HAS3: variants seen among roughly 807,000 people sequenced by gnomAD.
HAS3 encodes HA synthase 3.
A neutral mutation model predicts 50.3 loss-of-function variants in HAS3; 27 were observed. The ratio of observed to expected loss-of-function variants is 0.54; its 90% CI spans 0.40 to 0.74. HAS3 has a LOEUF of 0.74. Ranked by LOEUF, HAS3 falls within the 30% of genes least tolerant of loss-of-function variation. HAS3 has a pLI of 0.00. For missense variants in HAS3, 517 were observed against 742.8 expected (o/e 0.70, Z 3.53); for synonymous variants, 339 against 310.9 (o/e 1.09, Z -0.95).
At chr16:69,104,516 T>G (rs530965520), upstream of HAS3, among the ~76,000 whole-genome samples, 1 of 152,298 alleles carries the variant, frequency 6.6e-6, no homozygotes, top group East Asian at 1.9e-4. Context: ...CAGGCTGGTC[T>G]CTAACTTCTG....
chr16:69,090,553 C>T, the HAS3 span, among the ~76,000 whole-genome samples: 243 of 151,898 alleles, frequency 1.6e-3, 2 homozygotes, highest in Non-Finnish European at 2.8e-3. Flanking sequence ...AAACTACAGA[C>T]GTGCACCACC....
downstream of HAS3, chr16:69,117,739 TTAGTC>T (rs1363484081): frequency 2.8e-6 from 2 of 708,612 alleles, no homozygotes; most frequent in African/African-American, 1.9e-5. Context: ...AATAGAAAGT[TTAGTC>T]AGGTGGGACT....
Position 69,117,651 on chromosome 16 carries a change from AT to A in HAS3, c.*2386del. The A allele has an allele frequency of 1.0e-6, 1 of 956,788 alleles. No individual in the cohort carries two copies. The highest frequency in any genetic ancestry group is 4.8e-5 in the South Asian group (1 of 20,672). 59.3% of individuals were successfully genotyped at this position (956,788 alleles called of 1,614,324 possible). On this transcript the variant is annotated 3_prime_UTR_variant, in exon 4 of 4. Coordinates refer to ENST00000569188, the MANE Select transcript of HAS3 (RefSeq NM_001199280.2). ...TTTGTCAAAATAAAGATTCTCACAT[AT>A]GCCGGTTATCTCGAAACTACTACTT...
At position 69,115,970 on chromosome 16, in the gene HAS3, AAAG is replaced by A; in HGVS notation, c.*705_*707del. ...GGAACAAAGAGATTGTGGTGGTGCTAAAGGAGGCCATAAGCTACACAGAGGCCT... is the reference window on the plus strand; with the variant it reads ...GGAACAAAGAGATTGTGGTGGTGCTAGAGGCCATAAGCTACACAGAGGCCT... On this transcript the variant is annotated 3_prime_UTR_variant, in exon 4 of 4. Coordinates refer to ENST00000569188, the MANE Select transcript of HAS3 (RefSeq NM_001199280.2). 1.0e-6 allele frequency: 1 copy of A among 985,868 alleles called. No individual in the cohort carries two copies. Among genetic ancestry groups the A allele is most frequent in the South Asian group, 4.7e-5 (1 of 21,288 alleles). 61.1% of individuals were successfully genotyped at this position (985,868 alleles called of 1,614,324 possible).
the HAS3 span, among the ~76,000 whole-genome samples, chr16:69,098,797 C>T: frequency 6.0e-5 from 9 of 150,420 alleles, no homozygotes; most frequent in African/African-American, 2.0e-4. Flanking sequence ...TCCCAAGTAG[C>T]TGGGATTACA....
chr16:69,116,083 A>T lies in HAS3; in HGVS notation c.*817A>T. Reference sequence around the variant, plus strand: ...CTCTGCTGGGGAGATAAAAAGATTAAGCCCCAACATGTTCAGAAAAGAAGT... The same window carrying T: ...CTCTGCTGGGGAGATAAAAAGATTATGCCCCAACATGTTCAGAAAAGAAGT... On this transcript the variant is annotated 3_prime_UTR_variant, in exon 4 of 4. Transcript: ENST00000569188. 1 of 985,534 alleles carries T rather than the reference A, an allele frequency of 1.0e-6. No individual in the cohort carries two copies. The highest frequency in any genetic ancestry group is 1.2e-6 in the Non-Finnish European group (1 of 829,854). 61.0% of individuals were successfully genotyped at this position (985,534 alleles called of 1,614,324 possible).
Position 69,107,817 on chromosome 16 carries a change from A to G in HAS3, c.1-1579A>G. 1.6e-6 allele frequency: 1 copy of G among 613,094 alleles called. No individual in the cohort carries two copies. Among genetic ancestry groups the G allele is most frequent in the Non-Finnish European group, 2.0e-6 (1 of 489,248 alleles). 38.0% of individuals were successfully genotyped at this position (613,094 alleles called of 1,614,324 possible). On this transcript the variant is annotated intron_variant, in intron 1 of 3. Transcript: ENST00000569188. The surrounding 1 kb of genome is among the most constrained non-coding windows in gnomAD (Gnocchi z 5.5). ...GGGCTGGGAGTCCTGTGAAGGAAGCACACGGCGGGCTCCCCGGGACGGTGG... is the reference window on the plus strand; with the variant it reads ...GGGCTGGGAGTCCTGTGAAGGAAGCGCACGGCGGGCTCCCCGGGACGGTGG...
upstream of HAS3, among the ~76,000 whole-genome samples, chr16:69,100,854 C>T (rs188659255): frequency 5.5e-3 from 845 of 152,280 alleles, 10 homozygotes; most frequent in African/African-American, 0.02. Context: ...CTCTCTGCAC[C>T]GTCGAGTACT....
chr16:69,107,258 T>G lies in HAS3; in HGVS notation c.-1+1471T>G. 4.6e-6 allele frequency: 4 copies of G among 867,628 alleles called. No homozygotes were observed. The highest frequency in any genetic ancestry group is 1.8e-5 in the African/African-American group (1 of 54,352). 53.7% of individuals were successfully genotyped at this position (867,628 alleles called of 1,614,324 possible). A position where few individuals can be genotyped will look rare whatever the true frequency, so the allele number is the denominator to read the frequency against. On this transcript the variant is annotated intron_variant, in intron 1 of 3. Transcript: ENST00000569188. This position sits in a 1 kb window ranked among gnomAD's most constrained non-coding sequence, Gnocchi z 5.5. ...GGCTGAGGGACATTTTGGGGGCCTCTATTTGGGGGTGGGGGTAGTAACCTG... is the reference window on the plus strand; with the variant it reads ...GGCTGAGGGACATTTTGGGGGCCTCGATTTGGGGGTGGGGGTAGTAACCTG...
At position 69,114,840 on chromosome 16, in the gene HAS3, C is replaced by T. The variant is rs1017737445; in HGVS notation, c.1236C>T (p.Phe412=). Residue 412 remains phenylalanine (F), a synonymous_variant, in exon 4 of 4, where the codon TTC becomes TTT. Coordinates refer to ENST00000569188, the MANE Select transcript of HAS3 (RefSeq NM_001199280.2). This position sits in a 1 kb window ranked among gnomAD's most constrained non-coding sequence, Gnocchi z 6.4. ...GCCGCATCTGGAACATTCTCCTCTTCCTGCTGACGGTGCAGCTGGTGGGCA... is the reference window on the plus strand; with the variant it reads ...GCCGCATCTGGAACATTCTCCTCTTTCTGCTGACGGTGCAGCTGGTGGGCA... The part of the protein sequence containing the change: ...YRGRIWNILL[F]LLTVQLVGII... 4 of 1,614,016 alleles carry T rather than the reference C, an allele frequency of 2.5e-6. No homozygotes were observed. Among genetic ancestry groups the T allele is most frequent in the Non-Finnish European group, 2.5e-6 (3 of 1,180,046 alleles).
the HAS3 span, among the ~76,000 whole-genome samples, chr16:69,098,149 C>T: frequency 9.7e-3 from 1,468 of 152,094 alleles, 13 homozygotes; most frequent in Non-Finnish European, 0.014. Context: ...TTTGGGAGGC[C>T]GAGGCGGGAG....
Position 69,114,019 on chromosome 16 carries a change from T to G in HAS3, c.739-324T>G, listed in dbSNP as rs570100816. ...CTCAGGACAGGTGGTTGTGGTGGTGTTTTGCATTCTTCCCAAGCCCCCTTC... is the reference window on the plus strand; with the variant it reads ...CTCAGGACAGGTGGTTGTGGTGGTGGTTTGCATTCTTCCCAAGCCCCCTTC... On this transcript the variant is annotated intron_variant, in intron 3 of 3. Transcript: ENST00000569188. This position sits in a 1 kb window ranked among gnomAD's most constrained non-coding sequence, Gnocchi z 6.4. Among the ~76,000 whole-genome samples, 3 of 152,276 alleles carry G rather than the reference T, an allele frequency of 2.0e-5. No individual in the cohort carries two copies. The highest frequency in any genetic ancestry group is 2.1e-4 in the South Asian group (1 of 4,822).
chr16:69,116,051 C>G lies in HAS3; in HGVS notation c.*785C>G. On this transcript the variant is annotated 3_prime_UTR_variant, in exon 4 of 4. Coordinates refer to ENST00000569188, the MANE Select transcript of HAS3 (RefSeq NM_001199280.2). Reference sequence around the variant, plus strand: ...ACGTCTAGATGGGTTCTTAGCTTGTCTGTGATCTCTGCTGGGGAGATAAAA... The same window carrying G: ...ACGTCTAGATGGGTTCTTAGCTTGTGTGTGATCTCTGCTGGGGAGATAAAA... 9 of 985,620 alleles carry G rather than the reference C, an allele frequency of 9.1e-6. No individual in the cohort carries two copies. Among genetic ancestry groups the G allele is most frequent in the Non-Finnish European group, 1.1e-5 (9 of 829,814 alleles). The allele number at this position is 985,620 out of a possible 1,614,324, so 61.1% of individuals were successfully genotyped here.
chr16:69,118,460 T>C (rs376562006), downstream of HAS3: 1 of 1,584,350 alleles, frequency 6.3e-7, no homozygotes, highest in Admixed American at 1.7e-5. Context: ...TAGAGAGCAG[T>C]GAGCTGATTC....
At chr16:69,113,576 G>A (rs1961080159) in intron 3 of HAS3, 34 bp downstream of exon 3, 3 of 1,271,092 alleles carry the variant, frequency 2.4e-6, no homozygotes, top group East Asian at 2.4e-5. Context: ...GTGGGGAGGG[G>A]TCTGGACTCT....
Position 69,114,851 on chromosome 16 carries a change from T to G in HAS3, c.1247T>G (p.Val416Gly). Residue 416 changes from valine to glycine, a missense_variant, in exon 4 of 4, where the codon GTG (valine) becomes GGG (glycine). Coordinates refer to ENST00000569188, the MANE Select transcript of HAS3 (RefSeq NM_001199280.2). This position sits in a 1 kb window ranked among gnomAD's most constrained non-coding sequence, Gnocchi z 6.4. ...IWNILLFLLT[V>G]QLVGIIKATY... ...AACATTCTCCTCTTCCTGCTGACGG[T>G]GCAGCTGGTGGGCATTATCAAGGCC... 1.9e-6 allele frequency: 3 copies of G among 1,614,076 alleles called. No individual in the cohort carries two copies. The highest frequency in any genetic ancestry group is 2.5e-6 in the Non-Finnish European group (3 of 1,179,974).
chr16:69,117,638 A>C lies in HAS3; in HGVS notation c.*2372A>C. The C allele has an allele frequency of 1.1e-6, 1 of 939,758 alleles. No homozygotes were observed. The highest frequency in any genetic ancestry group is 1.3e-6 in the Non-Finnish European group (1 of 788,420). The allele number at this position is 939,758 out of a possible 1,614,324, so 58.2% of individuals were successfully genotyped here. A position where few individuals can be genotyped will look rare whatever the true frequency, so the allele number is the denominator to read the frequency against. On this transcript the variant is annotated 3_prime_UTR_variant, in exon 4 of 4. Coordinates refer to ENST00000569188, the MANE Select transcript of HAS3 (RefSeq NM_001199280.2). The stretch of plus-strand genomic sequence containing the variant: ...TATACTGCACTTATTTGTCAAAATA[A>C]AGATTCTCACATATGCCGGTTATCT...
Position 69,115,284 on chromosome 16 carries a change from G to A in HAS3, c.*18G>A, listed in dbSNP as rs1324972942. ...AGGTGTGACATGGCCCCCAAGCAGAGCGGGTAAAGTGCAATGGGTAAGGGA... is the reference window on the plus strand; with the variant it reads ...AGGTGTGACATGGCCCCCAAGCAGAACGGGTAAAGTGCAATGGGTAAGGGA... On this transcript the variant is annotated 3_prime_UTR_variant, in exon 4 of 4. Coordinates refer to ENST00000569188, the MANE Select transcript of HAS3 (RefSeq NM_001199280.2). 34 of 1,510,992 alleles carry A rather than the reference G, an allele frequency of 2.3e-5. No individual in the cohort carries two copies. Among genetic ancestry groups the A allele is most frequent in the Non-Finnish European group, 2.7e-5 (31 of 1,132,670 alleles). The allele number at this position is 1,510,992 out of a possible 1,614,324, so 93.6% of individuals were successfully genotyped here. A position where few individuals can be genotyped will look rare whatever the true frequency, so the allele number is the denominator to read the frequency against.
rs1021740570 is a variant in HAS3, at chr16:69,106,902, G to A, written c.-1+1115G>A. Reference sequence around the variant, plus strand: ...GCCCTGCCGCGGGGCGCACCTGTCAGCGGGAGAGACGCTGCACACCAGCAG... The same window carrying A: ...GCCCTGCCGCGGGGCGCACCTGTCAACGGGAGAGACGCTGCACACCAGCAG... On this transcript the variant is annotated intron_variant, in intron 1 of 3. Coordinates refer to ENST00000569188, the MANE Select transcript of HAS3 (RefSeq NM_001199280.2). This position sits in a 1 kb window ranked among gnomAD's most constrained non-coding sequence, Gnocchi z 5.5. 1 of 152,244 alleles carries A rather than the reference G, an allele frequency of 6.6e-6. No homozygotes were observed. Among genetic ancestry groups the A allele is most frequent in the Non-Finnish European group, 1.5e-5 (1 of 68,046 alleles). The allele number at this position is 152,244 out of a possible 1,614,324, so 9.4% of individuals were successfully genotyped here.
Sources: allele counts gnomAD v4.1 joint callset (sites outside exome capture counted in the v4.1 genomes callset), GRCh38; gene constraint gnomAD v4.1.1; non-coding constraint Gnocchi (gnomAD v3.1); transcripts MANE v1.5; gene names NCBI Gene and HGNC (gene_info 2026-07-23, HGNC 2026-07-21).